The following ULK4 variants were observed in gnomAD, a reference collection of about 807,000 sequenced individuals.
The protein encoded by ULK4 is inactive serine/threonine-protein kinase ULK4.
In ULK4, 133 loss-of-function variants were observed where a neutral mutation model predicts 160.6. The ratio of observed to expected loss-of-function variants is 0.83; its 90% CI spans 0.72 to 0.96. ULK4 has a LOEUF of 0.96. Ranked by LOEUF, ULK4 falls within the 40% of genes least tolerant of loss-of-function variation. The pLI is 0.00. For synonymous variants in ULK4, 534 were observed against 539.8 expected, an observed-to-expected ratio of 0.99 and a Z score of 0.15; for missense variants, 1,580 against 1,499.5, an observed-to-expected ratio of 1.05 and a Z score of -0.89.
rs58776901 is a variant in ULK4, at chr3:41,835,981, CAA to C, written c.1657-12_1657-11del. 5.2e-3 allele frequency: 5,970 copies of C among 1,140,322 alleles called. No homozygotes were observed. The highest frequency in any genetic ancestry group is 9.6e-3 in the South Asian group (622 of 64,690). The allele number at this position is 1,140,322 out of a possible 1,614,324, so 70.6% of individuals were successfully genotyped here. On this transcript the variant is annotated splice_polypyrimidine_tract_variant and intron_variant, in intron 17 of 36. Coordinates refer to ENST00000301831, the MANE Select transcript of ULK4 (RefSeq NM_017886.4). ...TTAAGAGAACAATTGCCTGCAAAGA[CAA>C]AAAAAAAAAAAGTAAATTATTTCAA... is the stretch of plus-strand genomic sequence containing the variant.
At chr3:41,836,115 A>G (rs1161486048) in intron 17 of ULK4, 144 bp from the exon 18 acceptor site, 1 of 592,894 alleles carries the variant, frequency 1.7e-6, no homozygotes, top group Non-Finnish European at 3.0e-6. Flanking sequence ...TGGGCCTTAT[A>G]TTCCTGAAAA....
At chr3:41,582,106 T>C (rs893094887) in intron 31 of ULK4, among the ~76,000 whole-genome samples, 5 of 152,178 alleles carry the variant, frequency 3.3e-5, no homozygotes, top group East Asian at 3.9e-4. Context: ...TGGGAGATAA[T>C]TGAATCATGG....
intron 32 of ULK4, among the ~76,000 whole-genome samples, chr3:41,526,590 C>T (rs897363319): frequency 6.6e-6 from 1 of 152,214 alleles, no homozygotes; most frequent in Non-Finnish European, 1.5e-5. Flanking sequence ...GAAGAGTTAT[C>T]ACCATAGGGA....
At chr3:41,820,309 T>C (rs2041101546) in intron 18 of ULK4, among the ~76,000 whole-genome samples, 1 of 152,170 alleles carries the variant, frequency 6.6e-6, no homozygotes, top group South Asian at 2.1e-4. Flanking sequence ...ATCCCATTAC[T>C]GGTTATATAC....
At chr3:41,839,978 A>G (rs2041864292) in intron 17 of ULK4, among the ~76,000 whole-genome samples, 1 of 152,252 alleles carries the variant, frequency 6.6e-6, no homozygotes, top group Non-Finnish European at 1.5e-5. Flanking sequence ...GGAAGACTCA[A>G]CGTAGTGGAA....
chr3:41,494,445 C>T (rs374887877), intron 32 of ULK4, among the ~76,000 whole-genome samples: 5 of 146,818 alleles, frequency 3.4e-5, no homozygotes, highest in Admixed American at 6.9e-5. Context: ...TAATAAGAGC[C>T]ATCTATGACA....
rs1182237988 is a variant in ULK4, at chr3:41,566,024, C to T, written c.3226+1G>A. 8 of 1,611,442 alleles carry T rather than the reference C, an allele frequency of 5.0e-6. No individual in the cohort carries two copies. Among genetic ancestry groups the T allele is most frequent in the African/African-American group, 1.3e-5 (1 of 74,776 alleles). On this transcript the variant is annotated splice_donor_variant, in intron 32 of 36. Coordinates refer to ENST00000301831, the MANE Select transcript of ULK4 (RefSeq NM_017886.4). LOFTEE classifies it high-confidence loss of function. ...AGAGAGTAATTCTATGAGGCATTTA[C>T]CTTGTTCATAAAGTAGTTCCATATT...
chr3:41,742,135 G>A (rs2038260652), intron 22 of ULK4, among the ~76,000 whole-genome samples: 1 of 150,492 alleles, frequency 6.6e-6, no homozygotes, highest in Non-Finnish European at 1.5e-5. Context: ...GGGACCATGG[G>A]AATTTTATCT....
intron 30 of ULK4, among the ~76,000 whole-genome samples, chr3:41,651,836 G>A (rs547979562): frequency 6.6e-6 from 1 of 152,258 alleles, no homozygotes; most frequent in South Asian, 2.1e-4. Flanking sequence ...AGGCAGTTCT[G>A]ACCAAAGACC....
intron 2 of ULK4, among the ~76,000 whole-genome samples, chr3:41,946,482 G>A (rs1700115034): frequency 6.6e-6 from 1 of 152,182 alleles, no homozygotes; most frequent in South Asian, 2.1e-4. Context: ...TTTGTTAAAA[G>A]TCATTGAACT....
intron 15 of ULK4, 87 bp downstream of exon 15, chr3:41,896,735 A>T: frequency 2.1e-6 from 3 of 1,400,352 alleles, no homozygotes; most frequent in Non-Finnish European, 2.9e-6. Context: ...TTTTTGTGGT[A>T]GTTAAATCAA....
intron 21 of ULK4, among the ~76,000 whole-genome samples, chr3:41,782,571 T>C (rs2039882008): frequency 6.6e-6 from 1 of 152,220 alleles, no homozygotes; most frequent in Non-Finnish European, 1.5e-5. Flanking sequence ...ATATAGAGAC[T>C]GTAATCAGGA....
rs536852826 is a variant in ULK4 at position 41,819,304 on chromosome 3, A to G, written c.1848+119T>C. 29 of 873,236 alleles carry G rather than the reference A, an allele frequency of 3.3e-5. No individual in the cohort carries two copies. In the South Asian group the frequency reaches 6.8e-4, roughly 20 times the overall value. 54.1% of individuals were successfully genotyped at this position (873,236 alleles called of 1,614,324 possible). A position where few individuals can be genotyped will look rare whatever the true frequency, so the allele number is the denominator to read the frequency against. On this transcript the variant is annotated intron_variant, in intron 19 of 36. Coordinates refer to ENST00000301831, the MANE Select transcript of ULK4 (RefSeq NM_017886.4). ...ATGGTAGGTTGTCGGGATTATTTAA[A>G]TTCAGGAGCAATACTTGGTTGACAA...
At chr3:41,814,002 C>T (rs2040892501) in intron 19 of ULK4, among the ~76,000 whole-genome samples, 1 of 152,106 alleles carries the variant, frequency 6.6e-6, no homozygotes, top group Admixed American at 6.6e-5. Flanking sequence ...TCTCAGCCAG[C>T]GCTGAGTGGG....
At chr3:41,877,976 T>C (rs13340143) in intron 17 of ULK4, among the ~76,000 whole-genome samples, 9,003 of 151,594 alleles carry the variant, frequency 0.059, 851 homozygotes, top group African/African-American at 0.21. Context: ...AGCAAAACTC[T>C]GTCTCAATAA....
intron 30 of ULK4, among the ~76,000 whole-genome samples, chr3:41,657,041 C>T (rs2034960725): frequency 6.6e-6 from 1 of 152,096 alleles, no homozygotes; most frequent in East Asian, 1.9e-4. Context: ...GGAGTTAACA[C>T]TTCCCTCCCA....
intron 35 of ULK4, among the ~76,000 whole-genome samples, chr3:41,383,427 T>C (rs915526049): frequency 6.6e-6 from 1 of 152,174 alleles, no homozygotes; most frequent in Non-Finnish European, 1.5e-5. Context: ...ATATTCATTC[T>C]AATACTCAAC....
chr3:41,663,690 G>A lies in ULK4; in HGVS notation c.2988C>T (p.His996=). 5 of 1,613,716 alleles carry A rather than the reference G, an allele frequency of 3.1e-6. No individual in the cohort carries two copies. The highest frequency in any genetic ancestry group is 4.2e-6 in the Non-Finnish European group (5 of 1,179,730). Reference sequence around the variant, plus strand: ...GTACTGGGTCAGGTTCTAAAAGAATGTGCTCATACCTGAAATGGTAAAGAC... The same window carrying A: ...GTACTGGGTCAGGTTCTAAAAGAATATGCTCATACCTGAAATGGTAAAGAC... The part of the protein sequence containing the change: ...IRDVLLPQYE[H]ILLEPDPVPA... The change falls in exon 30 of 37, where the codon CAC becomes CAT. Residue 996 remains histidine (H), a synonymous_variant. Coordinates refer to ENST00000301831, the MANE Select transcript of ULK4 (RefSeq NM_017886.4).
chr3:41,622,180 A>C (rs1438068297), intron 30 of ULK4, among the ~76,000 whole-genome samples: 1 of 152,232 alleles, frequency 6.6e-6, no homozygotes, highest in Non-Finnish European at 1.5e-5. Flanking sequence ...AAATTACTTC[A>C]ACCATTGAGA....
Sources: gnomAD v4.1 joint callset for allele counts (sites outside exome capture counted in the v4.1 genomes callset) on GRCh38, gnomAD v4.1.1 for gene constraint, MANE v1.5 for transcripts, NCBI Gene and HGNC (gene_info 2026-07-23, HGNC 2026-07-21) for gene names.